The following PHACTR1 variants were observed in gnomAD, a reference collection of about 807,000 sequenced individuals.
PHACTR1 encodes the protein phosphatase and actin regulator 1.
Under a neutral mutation model 69.2 loss-of-function variants are expected in PHACTR1, and 16 were observed. That is an observed-to-expected ratio of 0.23 (90% CI 0.16 to 0.35). The LOEUF (loss-of-function observed/expected upper bound fraction) is 0.35. PHACTR1 is among the 10% of genes least tolerant of loss of function. The pLI is 1.00. For missense variants in PHACTR1, 510 were observed against 734.7 expected, an observed-to-expected ratio of 0.69 and a Z score of 3.54; for synonymous variants, 312 against 284.5, an observed-to-expected ratio of 1.10 and a Z score of -0.97.
At chr6:12,802,826 T>G (rs920808725) in intron 4 of PHACTR1, among the ~76,000 whole-genome samples, 11 of 152,224 alleles carry the variant, frequency 7.2e-5, no homozygotes, top group Non-Finnish European at 1.6e-4. Flanking sequence ...CACCCAAGAT[T>G]CTCGTCTCTA....
intron 5 of PHACTR1, among the ~76,000 whole-genome samples, chr6:13,099,813 T>G (rs1814856255): frequency 2.0e-5 from 3 of 152,234 alleles, no homozygotes; most frequent in Non-Finnish European, 2.9e-5. Context: ...TGTTTGCTTG[T>G]TTTTTAAATT....
At chr6:12,963,949 A>G (rs1377533956) in intron 4 of PHACTR1, among the ~76,000 whole-genome samples, 1 of 152,230 alleles carries the variant, frequency 6.6e-6, no homozygotes, top group Non-Finnish European at 1.5e-5. Flanking sequence ...ACAAACGTTC[A>G]GAAACAAGTC....
chr6:12,744,597 T>C (rs1026463434), intron 3 of PHACTR1, among the ~76,000 whole-genome samples: 2 of 152,104 alleles, frequency 1.3e-5, no homozygotes, highest in Admixed American at 6.5e-5. Context: ...CCCAATCCAG[T>C]CCCCAAGAGA....
chr6:12,923,964 G>A (rs1259379656), intron 4 of PHACTR1, among the ~76,000 whole-genome samples: 1 of 152,212 alleles, frequency 6.6e-6, no homozygotes, highest in African/African-American at 2.4e-5. Flanking sequence ...GGATAATGAA[G>A]AGCTTCTGTT....
At chr6:12,844,834 G>A (rs1779044735) in intron 4 of PHACTR1, among the ~76,000 whole-genome samples, 1 of 152,072 alleles carries the variant, frequency 6.6e-6, no homozygotes, top group Non-Finnish European at 1.5e-5. Context: ...AGGAAATTGG[G>A]CTACTGTTAA....
At chr6:13,171,955 C>G (rs148033061) in intron 6 of PHACTR1, among the ~76,000 whole-genome samples, 1 of 152,036 alleles carries the variant, frequency 6.6e-6, no homozygotes, top group Non-Finnish European at 1.5e-5. Context: ...TTTGTAGAGA[C>G]GGGTTTTCAC....
intron 4 of PHACTR1, among the ~76,000 whole-genome samples, chr6:12,890,716 C>T (rs1784093993): frequency 6.6e-6 from 1 of 152,130 alleles, no homozygotes; most frequent in Non-Finnish European, 1.5e-5. Context: ...TCAGATCTCC[C>T]CTTCTCAGGG....
At chr6:13,083,681 C>T (rs1811786896) in intron 5 of PHACTR1, among the ~76,000 whole-genome samples, 1 of 152,060 alleles carries the variant, frequency 6.6e-6, no homozygotes. Flanking sequence ...AGTTGGATTC[C>T]TGGGTGTTTT....
intron 4 of PHACTR1, among the ~76,000 whole-genome samples, chr6:12,844,320 C>T (rs1478062239): frequency 6.6e-6 from 1 of 151,996 alleles, no homozygotes; most frequent in Non-Finnish European, 1.5e-5. Context: ...CCCCTTGAGC[C>T]CAGGAAGTTG....
intron 5 of PHACTR1, among the ~76,000 whole-genome samples, chr6:13,059,186 C>A (rs930824278): frequency 6.6e-6 from 1 of 151,826 alleles, no homozygotes; most frequent in Non-Finnish European, 1.5e-5. Flanking sequence ...AATGGGTGAA[C>A]CTGGAGGGCA....
intron 7 of PHACTR1, among the ~76,000 whole-genome samples, chr6:13,195,763 A>AAAAAAAAAAAAAAAAAAAAAAAAAAC (rs2113809730): frequency 8.2e-6 from 1 of 122,026 alleles, no homozygotes; most frequent in Non-Finnish European, 1.7e-5. Flanking sequence ...GTCTCAAAAA[A>AAAAAAAAAAAAAAAAAAAAAAAAAAC]AAAAAAAAAA....
intron 4 of PHACTR1, among the ~76,000 whole-genome samples, chr6:12,999,919 T>C (rs560828461): frequency 6.6e-6 from 1 of 152,338 alleles, no homozygotes; most frequent in South Asian, 2.1e-4. Flanking sequence ...ACCTAAATAA[T>C]GCCCAGGTGG....
At chr6:12,870,944 G>A (rs995770388) in intron 4 of PHACTR1, among the ~76,000 whole-genome samples, 1 of 152,056 alleles carries the variant, frequency 6.6e-6, no homozygotes, top group African/African-American at 2.4e-5. Context: ...CTCATACTCA[G>A]GAAATAAAAT....
At chr6:13,007,506 A>G (rs1409417371) in intron 4 of PHACTR1, among the ~76,000 whole-genome samples, 1 of 152,138 alleles carries the variant, frequency 6.6e-6, no homozygotes, top group Non-Finnish European at 1.5e-5. Context: ...TTAACTTAGA[A>G]TAAGAGTCTT....
At chr6:12,964,461 G>A (rs1793177136) in intron 4 of PHACTR1, among the ~76,000 whole-genome samples, 1 of 152,142 alleles carries the variant, frequency 6.6e-6, no homozygotes, top group Non-Finnish European at 1.5e-5. Flanking sequence ...AAAGAGGGAG[G>A]CAGGAGACAT....
intron 12 of PHACTR1, chr6:13,281,023 C>T (rs1378429682): frequency 7.8e-7 from 1 of 1,289,666 alleles, no homozygotes; most frequent in Non-Finnish European, 1.0e-6. Flanking sequence ...CATCCTCGCT[C>T]ATTCCCTCTG....
At chr6:13,171,186 T>G (rs1223532438) in intron 6 of PHACTR1, among the ~76,000 whole-genome samples, 1 of 138,876 alleles carries the variant, frequency 7.2e-6, no homozygotes, top group South Asian at 2.6e-4. Flanking sequence ...CCACCCCACT[T>G]CCGCCCAAGT....
At chr6:13,135,864 G>A (rs559645270) in intron 5 of PHACTR1, among the ~76,000 whole-genome samples, 2 of 150,334 alleles carry the variant, frequency 1.3e-5, no homozygotes, top group South Asian at 2.1e-4. Flanking sequence ...CATCTCTAGG[G>A]GAAAAAATAA....
At chr6:12,873,537 AG>A (rs1561967271) in intron 4 of PHACTR1, among the ~76,000 whole-genome samples, 1 of 152,124 alleles carries the variant, frequency 6.6e-6, no homozygotes, top group Non-Finnish European at 1.5e-5. Context: ...AGAGAAAAAA[AG>A]GTTCAATACA....
Sources: allele counts gnomAD v4.1 joint callset (sites outside exome capture counted in the v4.1 genomes callset), GRCh38; gene constraint gnomAD v4.1.1; transcripts MANE v1.5; gene names NCBI Gene and HGNC (gene_info 2026-07-23, HGNC 2026-07-21).